The following KCTD15 variants were observed in gnomAD, a reference collection of about 807,000 sequenced individuals.
KCTD15 encodes BTB/POZ domain-containing protein KCTD15.
In KCTD15, 11 loss-of-function variants were observed where a neutral mutation model predicts 27.2. The observed-to-expected ratio is 0.41, with a 90% confidence interval of 0.25 to 0.67. The LOEUF (loss-of-function observed/expected upper bound fraction) is 0.67. Among genes scored for constraint, KCTD15 ranks in the 30% least tolerant of loss-of-function variants. The probability of loss-of-function intolerance (pLI) is 0.35; values close to 1 mark genes in which losing one functional copy is unlikely to be tolerated. For synonymous variants in KCTD15, 163 were observed against 176.0 expected, an observed-to-expected ratio of 0.93 and a Z score of 0.58; for missense variants, 350 against 409.3, an observed-to-expected ratio of 0.86 and a Z score of 1.25.
chr19:33,799,168 G>A lies in KCTD15; in HGVS notation c.-28+402G>A, dbSNP rs529604013. Among the ~76,000 whole-genome samples, 7 of 152,292 alleles carry A rather than the reference G, an allele frequency of 4.6e-5. No homozygotes were observed. The South Asian group carries it at 1.0e-3, about 23-fold the overall frequency. ...GGGTATATATTAAACATCACTGTCTGCCCATTGCAACCTCCCACCCCAGTT... is the reference window on the plus strand; with the variant it reads ...GGGTATATATTAAACATCACTGTCTACCCATTGCAACCTCCCACCCCAGTT... On this transcript the variant is annotated intron_variant, in intron 2 of 6. Transcript: ENST00000683859.
Position 33,813,075 on chromosome 19 carries a change from G to C in KCTD15, c.*127G>C, listed in dbSNP as rs1029372733. 4.1e-6 allele frequency: 4 copies of C among 966,070 alleles called. No homozygotes were observed. The highest frequency in any genetic ancestry group is 6.2e-6 in the Non-Finnish European group (4 of 643,556). 59.8% of individuals were successfully genotyped at this position (966,070 alleles called of 1,614,324 possible). A position where few individuals can be genotyped will look rare whatever the true frequency, so the allele number is the denominator to read the frequency against. On this transcript the variant is annotated 3_prime_UTR_variant, in exon 7 of 7. Coordinates refer to ENST00000683859, the MANE Select transcript of KCTD15 (RefSeq NM_001129994.2). The stretch of plus-strand genomic sequence containing the variant: ...GGCTGGAGGGTCCAAAGCTGGCCCA[G>C]CGAGCACCAGGGTCCCAGGTGTCAT...
chr19:33,798,036 C>T (rs2145425977), intron 1 of KCTD15, among the ~76,000 whole-genome samples: 2 of 152,234 alleles, frequency 1.3e-5, no homozygotes, highest in East Asian at 2.0e-4. Context: ...CCCAAGCCCT[C>T]TCCCGTCGCC....
At chr19:33,797,206 G>T (rs1485371733) in intron 1 of KCTD15, among the ~76,000 whole-genome samples, 1 of 151,892 alleles carries the variant, frequency 6.6e-6, no homozygotes, top group Non-Finnish European at 1.5e-5. Flanking sequence ...GCCGCGGGTG[G>T]ACCCTCCCCA....
chr19:33,810,925 C>T (rs1975879658), intron 5 of KCTD15, among the ~76,000 whole-genome samples: 1 of 152,020 alleles, frequency 6.6e-6, no homozygotes, highest in Non-Finnish European at 1.5e-5. Flanking sequence ...ATAGGCACAG[C>T]CTCGTCCTTT....
intron 2 of KCTD15, chr19:33,799,782 G>C (rs1975468539): frequency 6.6e-6 from 1 of 152,458 alleles, no homozygotes; most frequent in South Asian, 2.1e-4. Flanking sequence ...GGAGTCTGGG[G>C]AGAAACTGTG....
At chr19:33,803,740 C>T (rs1369512220) in intron 4 of KCTD15, among the ~76,000 whole-genome samples, 1 of 152,120 alleles carries the variant, frequency 6.6e-6, no homozygotes, top group Non-Finnish European at 1.5e-5. Flanking sequence ...CAGCCACACT[C>T]TGACATCCAT....
chr19:33,806,077 G>A (rs1975702930), intron 4 of KCTD15, among the ~76,000 whole-genome samples: 1 of 152,256 alleles, frequency 6.6e-6, no homozygotes, highest in Admixed American at 6.5e-5. Context: ...GCACTGTGGT[G>A]CATGTGTGTG....
intron 5 of KCTD15, 93 bp downstream of exon 5, chr19:33,807,100 T>C (rs1297993375): frequency 2.1e-6 from 3 of 1,416,504 alleles, no homozygotes; most frequent in Non-Finnish European, 2.9e-6. Context: ...CTGGTTGTCA[T>C]GGTAACCATA....
chr19:33,800,300 G>T, intron 2 of KCTD15, 128 bp from the exon 3 acceptor site: 2 of 712,970 alleles, frequency 2.8e-6, no homozygotes, highest in South Asian at 1.7e-5. Context: ...GAGTCAATCA[G>T]GGAGGGCTGC....
At chr19:33,802,008 T>C (rs1975569765) in intron 4 of KCTD15, among the ~76,000 whole-genome samples, 1 of 152,166 alleles carries the variant, frequency 6.6e-6, no homozygotes, top group Non-Finnish European at 1.5e-5. Context: ...GCACCCTCCA[T>C]GCTGCTGAAC....
chr19:33,801,492 G>A, intron 4 of KCTD15, 150 bp downstream of exon 4: 1 of 639,982 alleles, frequency 1.6e-6, no homozygotes, highest in South Asian at 2.3e-5. Flanking sequence ...GGGAGCTAGG[G>A]TTGGGGAGTC....
chr19:33,815,384 G>GT lies in KCTD15; in HGVS notation c.*2437dup, dbSNP rs1402597591. The GT allele has an allele frequency of 6.6e-6, 1 of 152,156 alleles. No individual in the cohort carries two copies. The highest frequency in any genetic ancestry group is 6.5e-5 in the Admixed American group (1 of 15,274). The allele number at this position is 152,156 out of a possible 1,614,324, so 9.4% of individuals were successfully genotyped here. On this transcript the variant is annotated 3_prime_UTR_variant, in exon 7 of 7. Transcript: ENST00000683859. ...CTAATATATCTAGTCCCCATAAACA[G>GT]TAAGTACAAATTATCATTCCTTTAA...
In KCTD15 at chr19:33,815,375, C is replaced by CCATAAACAGTAAGTACATTTTAT. The variant is rs558698908; in HGVS notation, c.*2444_*2445insTTTTATCATAAACAGTAAGTACA. The CCATAAACAGTAAGTACATTTTAT allele has an allele frequency of 7.0e-4, 106 of 152,240 alleles. No homozygotes were observed. Among genetic ancestry groups the CCATAAACAGTAAGTACATTTTAT allele is most frequent in the African/African-American group, 2.5e-3 (103 of 41,546 alleles). 9.4% of individuals were successfully genotyped at this position (152,240 alleles called of 1,614,324 possible). The stretch of plus-strand genomic sequence containing the variant: ...GCTATAATTCTAATATATCTAGTCC[C>CCATAAACAGTAAGTACATTTTAT]CATAAACAGTAAGTACAAATTATCA... On this transcript the variant is annotated 3_prime_UTR_variant, in exon 7 of 7. Coordinates refer to ENST00000683859, the MANE Select transcript of KCTD15 (RefSeq NM_001129994.2).
chr19:33,812,457 A>G, intron 6 of KCTD15: 1 of 1,112,130 alleles, frequency 9.0e-7, no homozygotes, highest in Non-Finnish European at 1.1e-6. Context: ...GAGAGAGGGC[A>G]TAGGTTACAC....
chr19:33,811,114 C>T, intron 5 of KCTD15, 133 bp from the exon 6 acceptor site: 2 of 743,320 alleles, frequency 2.7e-6, no homozygotes, highest in South Asian at 1.9e-5. Context: ...GCAACCGGCC[C>T]AGTCCACACA....
Position 33,798,754 on chromosome 19 carries a change from G to A in KCTD15, c.-40G>A, listed in dbSNP as rs537537024. 3 of 152,798 alleles carry A rather than the reference G, an allele frequency of 2.0e-5. No individual in the cohort carries two copies. The highest frequency in any genetic ancestry group is 6.5e-5 in the Admixed American group (1 of 15,310). The allele number at this position is 152,798 out of a possible 1,614,324, so 9.5% of individuals were successfully genotyped here. A position where few individuals can be genotyped will look rare whatever the true frequency, so the allele number is the denominator to read the frequency against. On this transcript the variant is annotated 5_prime_UTR_variant, in exon 2 of 7. Coordinates refer to ENST00000683859, the MANE Select transcript of KCTD15 (RefSeq NM_001129994.2). The stretch of plus-strand genomic sequence containing the variant: ...AGATTCACGGCAAGGCGTAAAGCCT[G>A]GGGCTTCCAACGGTAAGTTTCTGGC...
Position 33,806,962 on chromosome 19 carries a change from G to A in KCTD15, c.342G>A (p.Leu114=), listed in dbSNP as rs1975730744. 6.2e-7 allele frequency: 1 copy of A among 1,614,180 alleles called. No individual in the cohort carries two copies. The highest frequency in any genetic ancestry group is 8.5e-7 in the Non-Finnish European group (1 of 1,180,046). The change falls in exon 5 of 7, where the codon CTG becomes CTA. Residue 114 remains leucine, a synonymous_variant. Coordinates refer to ENST00000683859, the MANE Select transcript of KCTD15 (RefSeq NM_001129994.2). The part of the protein sequence containing the change: ...DRDGEIFRYV[L]SFLRTSKLLL... ...ATGGGGAGATTTTCCGCTACGTCCT[G>A]AGCTTCCTGCGGACGTCCAAGCTGC...
chr19:33,794,162 CTT>C (rs1438519529), upstream of KCTD15, among the ~76,000 whole-genome samples: 1 of 152,188 alleles, frequency 6.6e-6, no homozygotes, highest in Admixed American at 6.5e-5. Flanking sequence ...AGATTTGTCT[CTT>C]AAACAATGAC....
Position 33,815,332 on chromosome 19 carries a change from CTA to C in KCTD15, c.*2386_*2387del, listed in dbSNP as rs1976060625. The stretch of plus-strand genomic sequence containing the variant: ...GAATTTCTGAATTTATAGGGAAACA[CTA>C]TGTCCCCATAATGATGCTATAATTC... On this transcript the variant is annotated 3_prime_UTR_variant, in exon 7 of 7. Transcript: ENST00000683859. 1 of 152,184 alleles carries C rather than the reference CTA, an allele frequency of 6.6e-6. No individual in the cohort carries two copies. Among genetic ancestry groups the C allele is most frequent in the Admixed American group, 6.5e-5 (1 of 15,286 alleles). The allele number at this position is 152,184 out of a possible 1,614,324, so 9.4% of individuals were successfully genotyped here.
Sources: gnomAD v4.1 joint callset for allele counts (sites outside exome capture counted in the v4.1 genomes callset) on GRCh38, gnomAD v4.1.1 for gene constraint, MANE v1.5 for transcripts, NCBI Gene and HGNC (gene_info 2026-07-23, HGNC 2026-07-21) for gene names.